The following WWOX variants were observed in gnomAD, a reference collection of about 807,000 sequenced individuals.
WWOX encodes WW domain-containing oxidoreductase.
A neutral mutation model predicts 46.2 loss-of-function variants in WWOX; 69 were observed. The observed-to-expected ratio is 1.49, with a 90% confidence interval of 1.23 to 1.82. WWOX has a LOEUF of 1.82. Among genes scored for constraint, WWOX ranks in the 40% most tolerant of loss-of-function variants. WWOX has a pLI of 0.00. For synonymous variants in WWOX, 359 were observed against 202.6 expected (o/e 1.77, Z -6.56); for missense variants, 919 against 542.6 (o/e 1.69, Z -6.89).
intron 1 of WWOX, among the ~76,000 whole-genome samples, chr16:78,104,213 A>G (rs1044693212): frequency 7.2e-5 from 10 of 138,670 alleles, no homozygotes; most frequent in Non-Finnish European, 1.4e-4. Flanking sequence ...TCTCCCTGCT[A>G]ACTTACACTG....
At chr16:78,559,719 C>T (rs1007388061) in intron 8 of WWOX, among the ~76,000 whole-genome samples, 2 of 152,284 alleles carry the variant, frequency 1.3e-5, no homozygotes, top group African/African-American at 4.8e-5. Context: ...ATTCTTCTCA[C>T]AATAGCTTCC....
chr16:78,602,422 C>T (rs551362735), intron 8 of WWOX, among the ~76,000 whole-genome samples: 12 of 152,190 alleles, frequency 7.9e-5, no homozygotes, highest in Admixed American at 3.3e-4. Context: ...TTAGTGGAGA[C>T]GGGGTTTCAC....
intron 8 of WWOX, among the ~76,000 whole-genome samples, chr16:78,605,238 T>A (rs2151623082): frequency 6.6e-6 from 1 of 151,892 alleles, no homozygotes; most frequent in South Asian, 2.1e-4. Context: ...TCCCCATAAT[T>A]TTTTCATTGT....
At chr16:78,360,731 A>G (rs1043832371) in intron 5 of WWOX, among the ~76,000 whole-genome samples, 2 of 135,680 alleles carry the variant, frequency 1.5e-5, no homozygotes, top group South Asian at 4.6e-4. Context: ...TGTTACTCAA[A>G]TTTCACCACT....
chr16:78,723,769 G>T (rs1397594928), intron 8 of WWOX, among the ~76,000 whole-genome samples: 1 of 151,936 alleles, frequency 6.6e-6, no homozygotes, highest in Non-Finnish European at 1.5e-5. Context: ...CCTCTGCCAA[G>T]GTCAAAAATG....
At chr16:78,613,865 G>T (rs1489223160) in intron 8 of WWOX, among the ~76,000 whole-genome samples, 1 of 152,114 alleles carries the variant, frequency 6.6e-6, no homozygotes. Flanking sequence ...GTATTACAGG[G>T]GTCAGCAAAT....
At chr16:78,385,085 G>C (rs2082032465) in intron 5 of WWOX, among the ~76,000 whole-genome samples, 1 of 151,278 alleles carries the variant, frequency 6.6e-6, no homozygotes, top group Non-Finnish European at 1.5e-5. Flanking sequence ...AGTGAGCCAA[G>C]ATGGTGCCAC....
intron 5 of WWOX, among the ~76,000 whole-genome samples, chr16:78,303,915 A>G (rs2080088235): frequency 6.6e-6 from 1 of 152,214 alleles, no homozygotes; most frequent in Admixed American, 6.5e-5. Context: ...GGAAAGAGCC[A>G]AGCCGTCAGC....
chr16:78,805,187 A>G (rs758275988), intron 8 of WWOX, among the ~76,000 whole-genome samples: 11 of 152,242 alleles, frequency 7.2e-5, no homozygotes, highest in Admixed American at 2.6e-4. Flanking sequence ...AAGAAAGGAA[A>G]AGTGTATTTG....
At chr16:78,891,758 G>A (rs746322401) in intron 8 of WWOX, 10 of 151,218 alleles carry the variant, frequency 6.6e-5, no homozygotes, top group East Asian at 1.9e-4. Flanking sequence ...AAATGATTTC[G>A]AATCCACTGC....
chr16:78,682,570 G>A (rs1317538165), intron 8 of WWOX, among the ~76,000 whole-genome samples: 1 of 152,106 alleles, frequency 6.6e-6, no homozygotes, highest in Non-Finnish European at 1.5e-5. Context: ...GTGATAGAGC[G>A]AGACCCTGTC....
intron 6 of WWOX, among the ~76,000 whole-genome samples, chr16:78,422,546 T>G (rs2082956842): frequency 6.7e-6 from 1 of 149,838 alleles, no homozygotes; most frequent in African/African-American, 2.5e-5. Flanking sequence ...GGGGTCTTGC[T>G]GTGTTGCTCA....
In WWOX at chr16:78,099,803, C is replaced by T; in HGVS notation, c.25C>T (p.Leu9=). The change falls in exon 1 of 9, where the codon CTG becomes TTG. Residue 9 remains leucine, a synonymous_variant. Coordinates refer to ENST00000566780, the MANE Select transcript of WWOX (RefSeq NM_016373.4). ...CATGGCAGCGCTGCGCTACGCGGGG[C>T]TGGACGACACGGACAGTGAGGACGA... MAALRYAG[L]DDTDSEDELP... 8 of 1,572,072 alleles carry T rather than the reference C, an allele frequency of 5.1e-6. No homozygotes were observed. The highest frequency in any genetic ancestry group is 6.9e-6 in the Non-Finnish European group (8 of 1,160,338).
chr16:78,786,670 C>A (rs557248583), intron 8 of WWOX, among the ~76,000 whole-genome samples: 5 of 152,092 alleles, frequency 3.3e-5, no homozygotes, highest in African/African-American at 1.2e-4. Flanking sequence ...ATCTTTTTGT[C>A]CCCGTAAAAG....
intron 5 of WWOX, chr16:78,278,524 T>G: frequency 7.2e-7 from 1 of 1,398,048 alleles, no homozygotes; most frequent in Non-Finnish European, 9.8e-7. Flanking sequence ...AAACTTATCT[T>G]TGGAATGCTT....
At chr16:78,784,962 A>T (rs763205027) in intron 8 of WWOX, among the ~76,000 whole-genome samples, 5 of 152,132 alleles carry the variant, frequency 3.3e-5, no homozygotes, top group Non-Finnish European at 7.4e-5. Flanking sequence ...AGTTGTTCAG[A>T]AGGTCCCGTG....
chr16:78,166,884 C>T (rs1478080331), intron 5 of WWOX: 1 of 152,244 alleles, frequency 6.6e-6, no homozygotes, highest in East Asian at 1.9e-4. Context: ...TCTTGTTGCT[C>T]CAATTTCCAT....
At chr16:78,536,174 C>G (rs1207852765) in intron 8 of WWOX, among the ~76,000 whole-genome samples, 2 of 152,094 alleles carry the variant, frequency 1.3e-5, no homozygotes, top group African/African-American at 2.4e-5. Context: ...TAAACCACCC[C>G]CAGAGTACAC....
chr16:78,788,324 C>T (rs760824879), intron 8 of WWOX, among the ~76,000 whole-genome samples: 22 of 152,122 alleles, frequency 1.4e-4, no homozygotes, highest in South Asian at 1.0e-3. Context: ...TACAATATTG[C>T]CTGTGTTAGG....
Sources: gnomAD v4.1 joint callset for allele counts (sites outside exome capture counted in the v4.1 genomes callset) on GRCh38, gnomAD v4.1.1 for gene constraint, MANE v1.5 for transcripts, NCBI Gene and HGNC (gene_info 2026-07-23, HGNC 2026-07-21) for gene names.